CSRNP3: variants seen among roughly 807,000 people sequenced by gnomAD.
CSRNP3 encodes the protein cysteine/serine-rich nuclear protein 3.
Under a neutral mutation model 48.0 loss-of-function variants are expected in CSRNP3, and 12 were observed. The observed-to-expected ratio is 0.25, with a 90% confidence interval of 0.16 to 0.41. The LOEUF is 0.41. Among genes scored for constraint, CSRNP3 ranks in the 10% least tolerant of loss-of-function variants. The pLI is 1.00. For synonymous variants in CSRNP3, 263 were observed against 269.7 expected (o/e 0.98, Z 0.24); for missense variants, 580 against 724.4 (o/e 0.80, Z 2.29).
chr2:165,593,139 T>C (rs1279411260), intron 3 of CSRNP3, among the ~76,000 whole-genome samples: 1 of 152,170 alleles, frequency 6.6e-6, no homozygotes, highest in East Asian at 1.9e-4. Context: ...GTCTTGGATG[T>C]TTCTTCATAG....
At chr2:165,515,810 T>C (rs1340782055) in intron 2 of CSRNP3, among the ~76,000 whole-genome samples, 1 of 145,492 alleles carries the variant, frequency 6.9e-6, no homozygotes, top group Non-Finnish European at 1.5e-5. Flanking sequence ...TCTTTTTTTT[T>C]TTTTTTTTTT....
chr2:165,506,357 A>G (rs1248539450), intron 2 of CSRNP3, among the ~76,000 whole-genome samples: 3 of 152,138 alleles, frequency 2.0e-5, no homozygotes, highest in Non-Finnish European at 4.4e-5. Flanking sequence ...GGTTCAGCAA[A>G]TAAGATGCCT....
At chr2:165,509,862 G>C (rs1450962132) in intron 2 of CSRNP3, among the ~76,000 whole-genome samples, 1 of 152,112 alleles carries the variant, frequency 6.6e-6, no homozygotes, top group Non-Finnish European at 1.5e-5. Flanking sequence ...CGGTCATCAT[G>C]TCTCCTTAGT....
chr2:165,568,924 AAAAT>A (rs1197441071), intron 3 of CSRNP3, among the ~76,000 whole-genome samples: 5 of 152,074 alleles, frequency 3.3e-5, no homozygotes, highest in Non-Finnish European at 5.9e-5. Context: ...AGATATATTG[AAAAT>A]AAATAAATGT....
intron 4 of CSRNP3, among the ~76,000 whole-genome samples, chr2:165,610,563 A>G (rs1686119414): frequency 6.6e-6 from 1 of 152,096 alleles, no homozygotes; most frequent in Non-Finnish European, 1.5e-5. Flanking sequence ...GAACCACCTC[A>G]GTCTTCATTT....
chr2:165,520,780 A>AT (rs1558923502), intron 3 of CSRNP3, among the ~76,000 whole-genome samples: 21 of 9,468 alleles, frequency 2.2e-3, no homozygotes, highest in African/African-American at 2.1e-3. Context: ...TTATATATAT[A>AT]TATTATATAT....
chr2:165,557,147 A>C (rs544976950), intron 3 of CSRNP3, among the ~76,000 whole-genome samples: 1 of 152,290 alleles, frequency 6.6e-6, no homozygotes. Context: ...TTAAATTTTT[A>C]AGTGATTGAA....
chr2:165,554,950 G>A (rs187179061), intron 3 of CSRNP3, among the ~76,000 whole-genome samples: 2 of 152,070 alleles, frequency 1.3e-5, no homozygotes, highest in Admixed American at 1.3e-4. Context: ...TCCCTCACTT[G>A]CTCCTCGTCT....
intron 3 of CSRNP3, among the ~76,000 whole-genome samples, chr2:165,532,646 G>T (rs1684829193): frequency 6.6e-6 from 1 of 151,764 alleles, no homozygotes. Context: ...TTGAAAACTG[G>T]CACAAGACAG....
intron 3 of CSRNP3, among the ~76,000 whole-genome samples, chr2:165,535,116 G>T (rs1684864779): frequency 6.6e-6 from 1 of 151,652 alleles, no homozygotes; most frequent in Admixed American, 6.6e-5. Flanking sequence ...CCAGCTTTTT[G>T]ATGTTTGTTT....
At chr2:165,582,116 G>GTGCT (rs1685558913) in intron 3 of CSRNP3, among the ~76,000 whole-genome samples, 1 of 152,204 alleles carries the variant, frequency 6.6e-6, no homozygotes, top group Non-Finnish European at 1.5e-5. Flanking sequence ...TAACCACAGT[G>GTGCT]TGCTACTGGT....
intron 2 of CSRNP3, among the ~76,000 whole-genome samples, chr2:165,506,568 G>A (rs1684429059): frequency 6.6e-6 from 1 of 152,142 alleles, no homozygotes; most frequent in Admixed American, 6.6e-5. Flanking sequence ...ACCCACTCTT[G>A]ATCTCTGGTG....
At chr2:165,516,442 G>A (rs945836732) in intron 2 of CSRNP3, among the ~76,000 whole-genome samples, 2 of 152,032 alleles carry the variant, frequency 1.3e-5, no homozygotes, top group South Asian at 2.1e-4. Context: ...TTTGAAAAAC[G>A]TACAGAGAGG....
chr2:165,680,443 C>G lies in CSRNP3; in HGVS notation c.*690C>G, dbSNP rs1687514875. On this transcript the variant is annotated 3_prime_UTR_variant, in exon 7 of 7. Transcript: ENST00000651982. ...ATAAATGATTCTATATGTGCAGGTC[C>G]TTACACAGTTTTCTCTAAAGTTAAG... The G allele has an allele frequency of 6.6e-6, 1 of 152,578 alleles. No individual in the cohort carries two copies. Among genetic ancestry groups the G allele is most frequent in the Non-Finnish European group, 1.5e-5 (1 of 68,054 alleles). 9.5% of individuals were successfully genotyped at this position (152,578 alleles called of 1,614,324 possible).
chr2:165,498,409 A>G (rs1374522086), intron 2 of CSRNP3, among the ~76,000 whole-genome samples: 2 of 152,066 alleles, frequency 1.3e-5, no homozygotes, highest in Non-Finnish European at 2.9e-5. Context: ...CTATCTCTTG[A>G]ACTCCAGGAT....
chr2:165,645,514 G>A (rs1362868931), intron 4 of CSRNP3, among the ~76,000 whole-genome samples: 2 of 152,090 alleles, frequency 1.3e-5, no homozygotes, highest in Admixed American at 1.3e-4. Context: ...CAGAAATTGA[G>A]AAGATTAAGA....
At chr2:165,668,401 CTTT>C (rs71393687) in intron 5 of CSRNP3, among the ~76,000 whole-genome samples, 2 of 111,498 alleles carry the variant, frequency 1.8e-5, no homozygotes, top group African/African-American at 3.5e-5. Flanking sequence ...TTCTTTCTTT[CTTT>C]TTTTTTTTTT....
rs113872257 is a variant in CSRNP3 at position 165,540,671 on chromosome 2, T to C, written c.-24+22710T>C. On this transcript the variant is annotated intron_variant, in intron 3 of 6. Transcript: ENST00000651982. ...ATTTTATGGCACCAGTTCTTTTTTT[T>C]CCCCAGGAATCCCTGCTGGCTTGTC... Among the ~76,000 whole-genome samples the C allele has an allele frequency of 9.2e-4, 131 of 142,430 alleles. 1 individual carries two copies. The highest frequency in any genetic ancestry group is 3.2e-3 in the African/African-American group (124 of 38,236). The allele number at this position is 142,430 out of a possible 152,430, so 93.4% of individuals were successfully genotyped here.
At chr2:165,587,078 A>G (rs1296968033) in intron 3 of CSRNP3, among the ~76,000 whole-genome samples, 1 of 152,208 alleles carries the variant, frequency 6.6e-6, no homozygotes, top group Non-Finnish European at 1.5e-5. Context: ...AGATGGAAAC[A>G]TTAACAGTTT....
Sources: gnomAD v4.1 joint callset for allele counts (sites outside exome capture counted in the v4.1 genomes callset) on GRCh38, gnomAD v4.1.1 for gene constraint, MANE v1.5 for transcripts, NCBI Gene and HGNC (gene_info 2026-07-23, HGNC 2026-07-21) for gene names.